ZNF717: variants seen among roughly 807,000 people sequenced by gnomAD.
ZNF717 encodes zinc finger protein 717, also known as krueppel-like factor X17.
A neutral mutation model predicts 13.8 loss-of-function variants in ZNF717; 9 were observed. The ratio of observed to expected loss-of-function variants is 0.65; its 90% CI spans 0.39 to 1.14. The LOEUF is 1.14. Among genes scored for constraint, ZNF717 ranks in the 50% most tolerant of loss-of-function variants. The pLI is 0.01. For synonymous variants in ZNF717, 327 were observed against 364.1 expected, an observed-to-expected ratio of 0.90 and a Z score of 1.16; for missense variants, 1,040 against 1,080.7, an observed-to-expected ratio of 0.96 and a Z score of 0.53.
downstream of ZNF717, among the ~76,000 whole-genome samples, chr3:75,727,312 G>C (rs1421249714): frequency 6.6e-6 from 1 of 152,174 alleles, no homozygotes; most frequent in Non-Finnish European, 1.5e-5. Flanking sequence ...CCCTGAAAAA[G>C]AACAGAATAA....
rs1193445522 is a variant in ZNF717, at chr3:75,738,484, G to A, written c.1139C>T (p.Ser380Leu). 3.5e-5 allele frequency: 54 copies of A among 1,531,740 alleles called. No individual in the cohort carries two copies. The highest frequency in any genetic ancestry group is 4.1e-5 in the Non-Finnish European group (46 of 1,132,822). 94.9% of individuals were successfully genotyped at this position (1,531,740 alleles called of 1,614,324 possible). A position where few individuals can be genotyped will look rare whatever the true frequency, so the allele number is the denominator to read the frequency against. The stretch of plus-strand genomic sequence containing the variant: ...AGTTCTGTGATGTAAAGTGAGAAGT[G>A]ACTTACAGTGAAAAGTTTTTCCACA... ...IECGKTFHCK[S>L]LLTLHHRTHS... The change falls in exon 5 of 5, where the codon TCA becomes TTA. Residue 380 changes from serine to leucine, a missense_variant. Ser to Leu is a moderately radical substitution (Grantham distance 145). Transcript: ENST00000652011.
At chr3:75,771,943 G>A (rs111402005) in intron 2 of ZNF717, among the ~76,000 whole-genome samples, 6 of 152,242 alleles carry the variant, frequency 3.9e-5, no homozygotes, top group African/African-American at 1.2e-4. Context: ...AGGCACAGTC[G>A]CAACCCGGCC....
At chr3:75,729,425 G>C (rs1447451829), downstream of ZNF717, among the ~76,000 whole-genome samples, 2 of 152,196 alleles carry the variant, frequency 1.3e-5, no homozygotes, top group Non-Finnish European at 2.9e-5. Flanking sequence ...AGACCAGCCT[G>C]ACCAACATGG....
rs1282760483 is a variant in ZNF717 at position 75,776,439 on chromosome 3, T to C, written c.57+6867A>G. The stretch of plus-strand genomic sequence containing the variant: ...ATGTTTTCTGATTGTATAAAAGCTC[T>C]TCCATGCAAGAGGGTTGATGTTAAA... On this transcript the variant is annotated intron_variant, in intron 2 of 4. Coordinates refer to ENST00000652011, the MANE Select transcript of ZNF717 (RefSeq NM_001290208.3). Among the ~76,000 whole-genome samples the C allele has an allele frequency of 1.1e-3, 175 of 152,374 alleles. 1 individual carries two copies. The highest frequency in any genetic ancestry group is 2.9e-3 in the East Asian group (15 of 5,186).
intron 2 of ZNF717, among the ~76,000 whole-genome samples, chr3:75,781,125 G>A (rs1944784469): frequency 1.3e-5 from 2 of 152,248 alleles, no homozygotes; most frequent in South Asian, 4.1e-4. Flanking sequence ...TTCTATATAT[G>A]AGTCCTTGTG....
downstream of ZNF717, among the ~76,000 whole-genome samples, chr3:75,707,224 C>A (rs79127185): frequency 6.6e-6 from 1 of 152,120 alleles, no homozygotes; most frequent in Non-Finnish European, 1.5e-5. Flanking sequence ...CATATTAAGG[C>A]AAGAAGCATG....
At chr3:75,728,609 G>C (rs1938348325), downstream of ZNF717, among the ~76,000 whole-genome samples, 8 of 152,316 alleles carry the variant, frequency 5.3e-5, no homozygotes, top group South Asian at 1.7e-3. Context: ...TGAGTCACAT[G>C]AGATCTGATG....
chr3:75,778,875 G>A (rs186247415), intron 2 of ZNF717, among the ~76,000 whole-genome samples: 62 of 151,512 alleles, frequency 4.1e-4, no homozygotes, highest in Admixed American at 7.2e-4. Context: ...GGAGTGATGC[G>A]CAAAAACCGG....
intron 2 of ZNF717, among the ~76,000 whole-genome samples, chr3:75,752,998 C>T (rs1575848820): frequency 6.7e-6 from 1 of 149,702 alleles, no homozygotes; most frequent in South Asian, 2.1e-4. Flanking sequence ...TTCCAGAACA[C>T]TTTTGCTGGT....
rs1408501408 is a variant in ZNF717 at position 75,718,447 on chromosome 3, T to A, written n.545-1906A>T. 3.9e-5 allele frequency among the ~76,000 whole-genome samples: 6 copies of A among 152,208 alleles called. No homozygotes were observed. The East Asian group carries it at 1.2e-3, about 29-fold the overall frequency. On this transcript the variant is annotated intron_variant and non_coding_transcript_variant, in intron 4 of 5. Transcript: ENST00000491507. ...GTTAAGTGTGGAATTGTCCTGGGAG[T>A]CTAACTTACTAAGTTAATTTCACAC... is the stretch of plus-strand genomic sequence containing the variant.
At chr3:75,707,652 A>G (rs1198158330), downstream of ZNF717, among the ~76,000 whole-genome samples, 1 of 152,198 alleles carries the variant, frequency 6.6e-6, no homozygotes, top group African/African-American at 2.4e-5. Context: ...AGAGTGAGGC[A>G]TTGCCTCACT....
At chr3:75,758,606 G>A (rs554805954) in intron 2 of ZNF717, among the ~76,000 whole-genome samples, 28 of 152,304 alleles carry the variant, frequency 1.8e-4, no homozygotes, top group African/African-American at 6.3e-4. Context: ...GTGAAAGGGA[G>A]AGTCAATTGA....
At chr3:75,762,885 A>C (rs1943150134) in intron 2 of ZNF717, among the ~76,000 whole-genome samples, 2 of 152,180 alleles carry the variant, frequency 1.3e-5, no homozygotes, top group Admixed American at 1.3e-4. Flanking sequence ...TCATAAACCA[A>C]TCCTGGCATA....
chr3:75,745,723 T>C (rs1941090321), intron 2 of ZNF717, among the ~76,000 whole-genome samples: 1 of 152,090 alleles, frequency 6.6e-6, no homozygotes, highest in Non-Finnish European at 1.5e-5. Flanking sequence ...TATATTTGTC[T>C]TTCTGCACCT....
intron 2 of ZNF717, among the ~76,000 whole-genome samples, chr3:75,774,745 C>G (rs1391265341): frequency 9.0e-6 from 1 of 111,526 alleles, no homozygotes; most frequent in African/African-American, 3.0e-5. Context: ...CTCAGCCTCC[C>G]AAGTAGCTGG....
chr3:75,748,315 G>C (rs1469971288), intron 2 of ZNF717, among the ~76,000 whole-genome samples: 3 of 152,140 alleles, frequency 2.0e-5, no homozygotes, highest in Admixed American at 6.6e-5. Context: ...TAGAAAAAGA[G>C]GGAATCCTCC....
At chr3:75,734,289 TTGAATTCCTAACCTCA>T (rs1276674723), downstream of ZNF717, among the ~76,000 whole-genome samples, 1 of 152,058 alleles carries the variant, frequency 6.6e-6, no homozygotes, top group East Asian at 1.9e-4. Flanking sequence ...CAGGCTGGTC[TTGAATTCCTAACCTCA>T]TGATCCACCC....
In ZNF717 at chr3:75,737,743, G is replaced by T; in HGVS notation, c.1880C>A (p.Thr627Asn). Residue 627 changes from threonine (T) to asparagine (N), a missense_variant, in exon 5 of 5, where the codon ACC becomes AAC. Transcript: ENST00000652011. The stretch of plus-strand genomic sequence containing the variant: ...GCTGAGATTTGACTTCTGACGAAAG[G>T]TTTTTCCACATTCATTACATTCATA... The part of the protein sequence containing the change: ...RPYECNECGK[T>N]FRQKSNLSTH... 1 of 1,549,730 alleles carries T rather than the reference G, an allele frequency of 6.5e-7. No individual in the cohort carries two copies. The highest frequency in any genetic ancestry group is 1.2e-5 in the South Asian group (1 of 83,940).
At chr3:75,708,133 A>C (rs1937842769), downstream of ZNF717, among the ~76,000 whole-genome samples, 3 of 152,262 alleles carry the variant, frequency 2.0e-5, no homozygotes, top group African/African-American at 7.2e-5. Flanking sequence ...TGGAGATCTG[A>C]GAACGGGCAG....
Sources: gnomAD v4.1 joint callset for allele counts (sites outside exome capture counted in the v4.1 genomes callset) on GRCh38, gnomAD v4.1.1 for gene constraint, MANE v1.5 for transcripts, NCBI Gene and HGNC (gene_info 2026-07-23, HGNC 2026-07-21) for gene names.